Variants in LAMB3 observed in about 807,000 individuals in gnomAD.
LAMB3 encodes the protein laminin subunit beta 3, also known as laminin subunit beta-3.
Under a neutral mutation model 140.3 loss-of-function variants are expected in LAMB3, and 104 were observed. The ratio of observed to expected loss-of-function variants is 0.74; its 90% CI spans 0.63 to 0.87. The LOEUF is 0.87. LAMB3 is among the 40% of genes least tolerant of loss of function. LAMB3 has a pLI of 0.00. For missense variants in LAMB3, 1,531 were observed against 1,575.2 expected, an observed-to-expected ratio of 0.97 and a Z score of 0.47; for synonymous variants, 592 against 602.9, an observed-to-expected ratio of 0.98 and a Z score of 0.26.
chr1:209,648,981 G>A (rs931802503), intron 3 of LAMB3, among the ~76,000 whole-genome samples: 4 of 152,140 alleles, frequency 2.6e-5, no homozygotes, highest in African/African-American at 9.7e-5. Flanking sequence ...ACCCAACCCT[G>A]TCAAATGAGC....
At chr1:209,618,714 G>C in intron 18 of LAMB3, 55 bp from the exon 19 acceptor site, 1 of 1,544,532 alleles carries the variant, frequency 6.5e-7, no homozygotes, top group Non-Finnish European at 8.9e-7. Flanking sequence ...CCAGAGATAC[G>C]AGGCCTCTCC....
chr1:209,642,675 C>G (rs2076480298), intron 3 of LAMB3, among the ~76,000 whole-genome samples: 1 of 152,144 alleles, frequency 6.6e-6, no homozygotes, highest in Non-Finnish European at 1.5e-5. Flanking sequence ...GACGGGATTT[C>G]ACCATGTTGG....
chr1:209,638,194 A>G (rs1666954206), intron 4 of LAMB3, among the ~76,000 whole-genome samples: 1 of 152,128 alleles, frequency 6.6e-6, no homozygotes, highest in Non-Finnish European at 1.5e-5. Context: ...CCTTCCCACC[A>G]TCACCTGATG....
At chr1:209,630,565 C>T (rs1448800960) in intron 9 of LAMB3, 50 bp downstream of exon 9, 5 of 1,610,430 alleles carry the variant, frequency 3.1e-6, no homozygotes, top group East Asian at 4.5e-5. Context: ...CCTAGAGGGG[C>T]CAGCACTCGA....
At chr1:209,617,846 C>G in intron 20 of LAMB3, 61 bp downstream of exon 20, 1 of 1,607,458 alleles carries the variant, frequency 6.2e-7, no homozygotes, top group African/African-American at 1.3e-5. Flanking sequence ...TTTTCTATGC[C>G]TGGTGCCCAA....
intron 5 of LAMB3, among the ~76,000 whole-genome samples, chr1:209,635,820 A>G (rs1206941473): frequency 6.6e-6 from 1 of 152,186 alleles, no homozygotes; most frequent in African/African-American, 2.4e-5. Context: ...CTCCAATACT[A>G]TTCTGGAACG....
rs397962425 is a variant in LAMB3 at position 209,624,880 on chromosome 1, G to GAGGAAGGAAGGAAGGA, written c.1976+752_1976+767dup. Among the ~76,000 whole-genome samples the GAGGAAGGAAGGAAGGA allele has an allele frequency of 6.4e-3, 649 of 100,824 alleles. 9 individuals carry two copies. Among genetic ancestry groups the GAGGAAGGAAGGAAGGA allele is most frequent in the East Asian group, 0.024 (83 of 3,426 alleles). 66.1% of individuals were successfully genotyped at this position (100,824 alleles called of 152,430 possible). ...TTATGTAAAGAGAAAGAAAGAGAGA[G>GAGGAAGGAAGGAAGGA]AGGAAGGAAGGAAGGAAGGAAGGAA... On this transcript the variant is annotated intron_variant, in intron 14 of 22. Transcript: ENST00000356082.
chr1:209,635,555 A>G (rs574337451), intron 5 of LAMB3, among the ~76,000 whole-genome samples: 2 of 152,112 alleles, frequency 1.3e-5, no homozygotes, highest in Admixed American at 6.5e-5. Flanking sequence ...GGCGCACACC[A>G]CCATGCCCTG....
chr1:209,615,791 C>T (rs544231925), intron 22 of LAMB3, among the ~76,000 whole-genome samples: 1 of 152,320 alleles, frequency 6.6e-6, no homozygotes, highest in Non-Finnish European at 1.5e-5. Flanking sequence ...TTGAAAGCTA[C>T]TTTCATTATG....
chr1:209,625,521 A>G, intron 14 of LAMB3, 127 bp downstream of exon 14: 1 of 1,222,870 alleles, frequency 8.2e-7, no homozygotes, highest in African/African-American at 1.5e-5. Context: ...TGGTTGAAAG[A>G]GAGAGCACTG....
Position 209,622,974 on chromosome 1 carries a change from G to A in LAMB3, c.2556+8C>T, listed in dbSNP as rs1666258748. The A allele has an allele frequency of 6.2e-7, 1 of 1,612,626 alleles. No individual in the cohort carries two copies. The highest frequency in any genetic ancestry group is 1.3e-5 in the African/African-American group (1 of 75,002). ...TACCTGTGCCCACCCCGCCTCGGCT[G>A]CACTTACCATCTGCCTGGTCCGCTG... On this transcript the variant is annotated splice_region_variant and intron_variant, in intron 17 of 22. Coordinates refer to ENST00000356082, the MANE Select transcript of LAMB3 (RefSeq NM_000228.3).
rs573577248 is a variant in LAMB3 at position 209,615,296 on chromosome 1, A to T, written c.3494T>A (p.Val1165Glu). The T allele has an allele frequency of 1.9e-6, 3 of 1,614,168 alleles. No homozygotes were observed. In the African/African-American group the frequency reaches 4.0e-5, roughly 22 times the overall value. The change falls in exon 23 of 23, where the codon GTG becomes GAG. Residue 1165 changes from valine to glutamate, a missense_variant. By Grantham distance (121) the Val-to-Glu change is moderately radical (BLOSUM62 -2). Coordinates refer to ENST00000356082, the MANE Select transcript of LAMB3 (RefSeq NM_000228.3). ...TCACTTGCAGGTGGCATAGTAGAGC[A>T]CGCGCCCATTGATGTGGTCACGGAT... ...EQIRDHINGR[V>E]LYYATCK
At chr1:209,630,537 C>A (rs1249978886) in intron 9 of LAMB3, 78 bp downstream of exon 9, 11 of 1,499,860 alleles carry the variant, frequency 7.3e-6, no homozygotes, top group Non-Finnish European at 1.0e-5. Flanking sequence ...CCCTGCATCC[C>A]AGGTGAGATC....
rs146690433 is a variant in LAMB3, at chr1:209,632,592, G to C, written c.813C>G (p.Thr271=). The change falls in exon 8 of 23, where the codon ACC becomes ACG. Residue 271 remains threonine (T), a synonymous_variant. Transcript: ENST00000356082. ...CACCCTAGGCTGTTACCTGCACAGC[G>C]GTGGAGGGGCCTGCAGAGGCCCCAG... is the stretch of plus-strand genomic sequence containing the variant. ...PKPGASAGPS[T]AVQVHDVCVC... 6.2e-7 allele frequency: 1 copy of C among 1,613,770 alleles called. No homozygotes were observed. Among genetic ancestry groups the C allele is most frequent in the South Asian group, 1.1e-5 (1 of 91,068 alleles).
chr1:209,622,921 CG>C, intron 17 of LAMB3, 60 bp downstream of exon 17: 10 of 1,578,820 alleles, frequency 6.3e-6, no homozygotes, highest in Admixed American at 3.3e-5. Context: ...CTGACTTGCC[CG>C]GGGGATCTAT....
chr1:209,616,040 T>TACACATCCTTCCAGGCCC (rs1665947283), intron 22 of LAMB3, among the ~76,000 whole-genome samples: 1 of 152,158 alleles, frequency 6.6e-6, no homozygotes, highest in Non-Finnish European at 1.5e-5. Context: ...CTCCCAGGCC[T>TACACATCCTTCCAGGCCC]ACACATCCTT....
In LAMB3 at chr1:209,623,039, C is replaced by T. The variant is rs1173427850; in HGVS notation, c.2499G>A (p.Gly833=). ...PRAGGAFLMA[G]QVAEQLRGFN... ...AGCCCCGCAGCTGCTCAGCCACCTG[C>T]CCCGCCATCAAGAAGGCCCCACCGG... Residue 833 remains glycine (G), a synonymous_variant, in exon 17 of 23, where the codon GGG becomes GGA. Transcript: ENST00000356082. This position sits in a 1 kb window ranked among gnomAD's most constrained non-coding sequence, Gnocchi z 4.2. The T allele has an allele frequency of 6.2e-7, 1 of 1,614,054 alleles. No individual in the cohort carries two copies.
At chr1:209,650,141 T>C (rs180936068) in intron 2 of LAMB3, 23 bp from the exon 3 acceptor site, 196 of 1,606,174 alleles carry the variant, frequency 1.2e-4, no homozygotes, top group Non-Finnish European at 1.6e-4. Context: ...GGATGTGTGA[T>C]GGAGCAGTCC....
At chr1:209,628,262 G>A in intron 10 of LAMB3, 72 bp from the exon 11 acceptor site, 1 of 1,516,982 alleles carries the variant, frequency 6.6e-7, no homozygotes. Context: ...CAGGAGCCAG[G>A]CTGCCTGGTT....
Sources: gnomAD v4.1 joint callset for allele counts (sites outside exome capture counted in the v4.1 genomes callset) on GRCh38, gnomAD v4.1.1 for gene constraint, Gnocchi (gnomAD v3.1) non-coding constraint, MANE v1.5 for transcripts, NCBI Gene and HGNC (gene_info 2026-07-23, HGNC 2026-07-21) for gene names.